The following RIT2 variants were observed in gnomAD, a reference collection of about 807,000 sequenced individuals.
The protein encoded by RIT2 is Ras like without CAAX 2.
In RIT2, 24 loss-of-function variants were observed where a neutral mutation model predicts 23.7. The observed-to-expected ratio is 1.01, with a 90% confidence interval of 0.73 to 1.43. The LOEUF is 1.43. Ranked by LOEUF, RIT2 falls within the 40% of genes most tolerant of loss-of-function variation. RIT2 has a pLI of 0.00. For missense variants in RIT2, 236 were observed against 266.9 expected (o/e 0.88, Z 0.81); for synonymous variants, 107 against 91.1 (o/e 1.17, Z -0.99).
At chr18:42,867,574 C>T (rs1459156165) in intron 4 of RIT2, among the ~76,000 whole-genome samples, 1 of 151,500 alleles carries the variant, frequency 6.6e-6, no homozygotes, top group Non-Finnish European at 1.5e-5. Context: ...TTGCTTGAGT[C>T]CAGGAGTTGG....
chr18:42,750,498 T>A (rs560203777), intron 4 of RIT2, among the ~76,000 whole-genome samples: 1 of 151,818 alleles, frequency 6.6e-6, no homozygotes, highest in Non-Finnish European at 1.5e-5. Flanking sequence ...CCCTTTGAAT[T>A]TGGGGCATAA....
Position 42,933,044 on chromosome 18 carries a change from C to T in RIT2, c.235-9281G>A, listed in dbSNP as rs1195194339. On this transcript the variant is annotated intron_variant, in intron 3 of 4. Transcript: ENST00000326695. ...TTAGAGTACAACATCTATGCTTAAACTGTGTTTAACACTTATGTTGCACTT... is the reference window on the plus strand; with the variant it reads ...TTAGAGTACAACATCTATGCTTAAATTGTGTTTAACACTTATGTTGCACTT... Among the ~76,000 whole-genome samples the T allele has an allele frequency of 2.6e-5, 4 of 152,246 alleles. No homozygotes were observed. In the East Asian group the frequency reaches 7.7e-4, roughly 29 times the overall value.
At chr18:43,010,893 T>C (rs1184143518) in intron 2 of RIT2, among the ~76,000 whole-genome samples, 4 of 151,792 alleles carry the variant, frequency 2.6e-5, no homozygotes, top group South Asian at 2.1e-4. Context: ...TGCCAAGATA[T>C]ATGGGAGAAC....
chr18:42,880,767 G>T (rs1224588803), intron 4 of RIT2, among the ~76,000 whole-genome samples: 1 of 150,236 alleles, frequency 6.7e-6, no homozygotes, highest in African/African-American at 2.5e-5. Context: ...AACAGCAAGG[G>T]CCTGTGTCCA....
chr18:43,114,854 A>C (rs1166058896), intron 1 of RIT2, among the ~76,000 whole-genome samples: 5 of 152,162 alleles, frequency 3.3e-5, no homozygotes, highest in African/African-American at 1.2e-4. Context: ...CAGGACTCAC[A>C]ATGAATATCA....
At chr18:42,966,411 T>A (rs140708710) in intron 3 of RIT2, among the ~76,000 whole-genome samples, 1 of 152,338 alleles carries the variant, frequency 6.6e-6, no homozygotes, top group Non-Finnish European at 1.5e-5. Context: ...AGTCATTTTA[T>A]GTAGTACTCT....
intron 3 of RIT2, among the ~76,000 whole-genome samples, chr18:42,930,128 T>A (rs1909289769): frequency 6.6e-6 from 1 of 152,158 alleles, no homozygotes; most frequent in East Asian, 1.9e-4. Flanking sequence ...TTGAAATCCC[T>A]GACAACCAGG....
At chr18:42,848,499 A>G (rs1049560214) in intron 4 of RIT2, among the ~76,000 whole-genome samples, 4 of 152,250 alleles carry the variant, frequency 2.6e-5, no homozygotes, top group African/African-American at 9.6e-5. Flanking sequence ...CAACTTATAC[A>G]ACACTTATTC....
At chr18:42,803,353 C>G (rs1286303139) in intron 4 of RIT2, among the ~76,000 whole-genome samples, 2 of 152,154 alleles carry the variant, frequency 1.3e-5, no homozygotes, top group Non-Finnish European at 2.9e-5. Context: ...GTTTGTTATT[C>G]TGACCACTTA....
intron 4 of RIT2, among the ~76,000 whole-genome samples, chr18:42,753,125 C>T (rs1031753388): frequency 6.6e-6 from 1 of 152,150 alleles, no homozygotes; most frequent in African/African-American, 2.4e-5. Flanking sequence ...GGCAAAAAGG[C>T]AGGCAGAGCC....
chr18:42,929,162 A>G (rs3018202), intron 3 of RIT2, among the ~76,000 whole-genome samples: 26,664 of 150,456 alleles, frequency 0.18, 2,969 homozygotes, highest in East Asian at 0.34. Flanking sequence ...CCCAAGCTAC[A>G]ATGAAAACAT....
intron 4 of RIT2, among the ~76,000 whole-genome samples, chr18:42,909,439 A>C (rs1416700063): frequency 6.6e-6 from 1 of 152,130 alleles, no homozygotes; most frequent in East Asian, 1.9e-4. Flanking sequence ...TGTAATCAAA[A>C]CACACCTTTA....
chr18:42,941,060 A>G (rs2144158600), intron 3 of RIT2, among the ~76,000 whole-genome samples: 1 of 152,274 alleles, frequency 6.6e-6, no homozygotes. Flanking sequence ...TTCTGACATT[A>G]TTCAGCAGAA....
At position 43,033,814 on chromosome 18, in the gene RIT2, T is replaced by C. The variant is rs777863748; in HGVS notation, c.157A>G (p.Ile53Val). The change falls in exon 2 of 5, where the codon ATA becomes GTA. Residue 53 changes from isoleucine to valine, a missense_variant. Coordinates refer to ENST00000326695, the MANE Select transcript of RIT2 (RefSeq NM_002930.4). Reference sequence around the variant, plus strand: ...GAGAAAGGAAGCTTCCACTTACCTATAGTAGGGTCATGATAATCAGGGAAC... The same window carrying C: ...GAGAAAGGAAGCTTCCACTTACCTACAGTAGGGTCATGATAATCAGGGAAC... ...HQFPDYHDPTIEDAYKTQVRI... is the reference protein window; with the variant it reads ...HQFPDYHDPTVEDAYKTQVRI... 5 of 1,605,136 alleles carry C rather than the reference T, an allele frequency of 3.1e-6. No individual in the cohort carries two copies. The highest frequency in any genetic ancestry group is 2.6e-6 in the Non-Finnish European group (3 of 1,172,476).
intron 4 of RIT2, among the ~76,000 whole-genome samples, chr18:42,779,979 T>C (rs955545266): frequency 1.3e-5 from 2 of 151,138 alleles, no homozygotes; most frequent in Non-Finnish European, 2.9e-5. Context: ...TATGATATGA[T>C]AGTTATAAAT....
At chr18:42,821,066 C>T (rs916589793) in intron 4 of RIT2, among the ~76,000 whole-genome samples, 5 of 152,108 alleles carry the variant, frequency 3.3e-5, no homozygotes, top group South Asian at 2.1e-4. Context: ...TCCTGAGGCC[C>T]TCACCAGGAG....
At chr18:42,743,884 G>A (rs1465559835) in intron 4 of RIT2, among the ~76,000 whole-genome samples, 164 bp from the exon 5 acceptor site, 2 of 152,054 alleles carry the variant, frequency 1.3e-5, no homozygotes, top group African/African-American at 2.4e-5. Flanking sequence ...AGTAACTGAA[G>A]AATCACAAAA....
chr18:42,767,539 T>G (rs1913453264), intron 4 of RIT2, among the ~76,000 whole-genome samples: 1 of 152,186 alleles, frequency 6.6e-6, no homozygotes, highest in Admixed American at 6.5e-5. Flanking sequence ...GGTACTTGCC[T>G]TGTCTCAGAT....
At chr18:42,927,480 C>T (rs1909212726) in intron 3 of RIT2, among the ~76,000 whole-genome samples, 1 of 151,584 alleles carries the variant, frequency 6.6e-6, no homozygotes, top group Middle Eastern at 3.4e-3. Flanking sequence ...TATGTATCAA[C>T]TTAATAATAT....
Sources: allele counts gnomAD v4.1 joint callset (sites outside exome capture counted in the v4.1 genomes callset), GRCh38; gene constraint gnomAD v4.1.1; transcripts MANE v1.5; gene names NCBI Gene and HGNC (gene_info 2026-07-23, HGNC 2026-07-21).